COL24A1: variants seen among roughly 807,000 people sequenced by gnomAD.
COL24A1 encodes the protein collagen type XXIV alpha 1 chain, also known as collagen alpha-1(XXIV) chain.
In COL24A1, 224 loss-of-function variants were observed where a neutral mutation model predicts 253.9. The observed-to-expected ratio is 0.88, with a 90% CI of 0.79 to 0.99. The LOEUF is 0.99. Ranked by LOEUF, COL24A1 falls within the 50% of genes least tolerant of loss-of-function variation. The pLI is 0.00. For synonymous variants in COL24A1, 685 were observed against 673.7 expected (o/e 1.02, Z -0.26); for missense variants, 2,131 against 2,068.5 (o/e 1.03, Z -0.59).
chr1:85,875,170 C>T (rs577237390), intron 34 of COL24A1, 107 bp downstream of exon 34: 4 of 914,890 alleles, frequency 4.4e-6, no homozygotes, highest in African/African-American at 1.6e-5. Flanking sequence ...TATCTGGGGG[C>T]TTCCACCTGC....
chr1:85,992,274 A>G (rs1385408615), intron 19 of COL24A1, among the ~76,000 whole-genome samples: 1 of 152,208 alleles, frequency 6.6e-6, no homozygotes, highest in Non-Finnish European at 1.5e-5. Flanking sequence ...ATGGCTGCAT[A>G]GTATTCCATG....
Position 86,156,635 on chromosome 1 carries a change from G to A in COL24A1, c.-239C>T. On this transcript the variant is annotated 5_prime_UTR_variant, in exon 1 of 60. Coordinates refer to ENST00000370571, the MANE Select transcript of COL24A1 (RefSeq NM_152890.7). ...CTGGCTCGGTAACGAACGAGCCCAG[G>A]GTTGCGCTCCCCGGGGAGGGCGGGC... The A allele has an allele frequency of 2.7e-6, 1 of 375,510 alleles. No homozygotes were observed. Among genetic ancestry groups the A allele is most frequent in the Non-Finnish European group, 4.7e-6 (1 of 211,090 alleles). The allele number at this position is 375,510 out of a possible 1,614,324, so 23.3% of individuals were successfully genotyped here.
At chr1:85,783,642 T>A in intron 50 of COL24A1, 84 bp from the exon 51 acceptor site, 1 of 1,275,038 alleles carries the variant, frequency 7.8e-7, no homozygotes, top group South Asian at 1.2e-5. Context: ...TATCAAGAAT[T>A]GCTCTTTTAA....
intron 18 of COL24A1, among the ~76,000 whole-genome samples, chr1:86,018,868 A>AT (rs201692671): frequency 0.086 from 13,021 of 151,720 alleles, 675 homozygotes; most frequent in Middle Eastern, 0.19. Context: ...AGTTTTCTCT[A>AT]TTTTTTTTTA....
chr1:85,920,364 T>G (rs72712740), intron 24 of COL24A1, among the ~76,000 whole-genome samples: 18,076 of 152,150 alleles, frequency 0.12, 1,221 homozygotes, highest in South Asian at 0.28. Flanking sequence ...GAGCAAATGA[T>G]AAAACATTTG....
chr1:86,010,739 C>T (rs1696412261), intron 19 of COL24A1, among the ~76,000 whole-genome samples: 1 of 152,038 alleles, frequency 6.6e-6, no homozygotes, highest in Admixed American at 6.6e-5. Flanking sequence ...GATACATCCA[C>T]ACAATGAAGT....
rs528840538 is a variant in COL24A1, at chr1:86,146,800, G to A, written c.57-617C>T. On this transcript the variant is annotated intron_variant, in intron 1 of 59. Coordinates refer to ENST00000370571, the MANE Select transcript of COL24A1 (RefSeq NM_152890.7). ...GAGCATTTTGATTAGTAGTAGCTATGAGCACAATACCCAATCACTACAAAT... is the reference window on the plus strand; with the variant it reads ...GAGCATTTTGATTAGTAGTAGCTATAAGCACAATACCCAATCACTACAAAT... Among the ~76,000 whole-genome samples the A allele has an allele frequency of 5.5e-4, 83 of 152,106 alleles. 2 individuals are homozygous for A. The South Asian group carries it at 0.016, about 29-fold the overall frequency.
At chr1:85,811,737 C>T (rs924109964) in intron 47 of COL24A1, among the ~76,000 whole-genome samples, 1 of 152,148 alleles carries the variant, frequency 6.6e-6, no homozygotes, top group African/African-American at 2.4e-5. Flanking sequence ...CATGGGATTA[C>T]TGGTCATTTG....
chr1:86,077,488 G>A lies in COL24A1; in HGVS notation c.1707+11686C>T, dbSNP rs999694210. On this transcript the variant is annotated intron_variant, in intron 7 of 59. Transcript: ENST00000370571. ...TTTGACCCAGCAATCTCATTACTGG[G>A]TATATATCCAAAAGATTATAAATCA... Among the ~76,000 whole-genome samples, 9 of 152,072 alleles carry A rather than the reference G, an allele frequency of 5.9e-5. No individual in the cohort carries two copies. The South Asian group carries it at 1.7e-3, about 28-fold the overall frequency.
chr1:85,965,184 G>C, intron 22 of COL24A1, 122 bp from the exon 23 acceptor site: 1 of 722,142 alleles, frequency 1.4e-6, no homozygotes, highest in Non-Finnish European at 2.2e-6. Flanking sequence ...AAAATTATTT[G>C]ATAAATGTAT....
chr1:85,828,107 TTCTGGTA>T (rs1558283779), intron 43 of COL24A1, among the ~76,000 whole-genome samples: 3 of 152,112 alleles, frequency 2.0e-5, no homozygotes, highest in African/African-American at 7.2e-5. Flanking sequence ...ATCCCAGAGA[TTCTGGTA>T]TGTTGTGTCT....
rs537709160 is a variant in COL24A1, at chr1:86,031,887, A to C, written c.2040T>G (p.Pro680=). 1 of 1,608,676 alleles carries C rather than the reference A, an allele frequency of 6.2e-7. No homozygotes were observed. The highest frequency in any genetic ancestry group is 1.1e-5 in the South Asian group (1 of 89,930). ...ATTTAGTGATACTCACTCTAAGCCC[A>C]GGAAACCCCGGAGGACCAGTGCCAC... is the stretch of plus-strand genomic sequence containing the variant. ...LVGGTGPPGF[P]GLRGSVGPVG... The change falls in exon 14 of 60, where the codon CCT becomes CCG. Residue 680 remains proline (P), a synonymous_variant. Coordinates refer to ENST00000370571, the MANE Select transcript of COL24A1 (RefSeq NM_152890.7).
chr1:85,896,570 C>G (rs1166642198), intron 28 of COL24A1, among the ~76,000 whole-genome samples, 161 bp from the exon 29 acceptor site: 1 of 151,968 alleles, frequency 6.6e-6, no homozygotes, highest in East Asian at 1.9e-4. Context: ...TCTCGGCTCA[C>G]TGCAAGCTCC....
chr1:86,106,060 G>A (rs1258997245), intron 5 of COL24A1, among the ~76,000 whole-genome samples: 1 of 152,038 alleles, frequency 6.6e-6, no homozygotes, highest in African/African-American at 2.4e-5. Flanking sequence ...ATCTTGCCCA[G>A]CTCCCATATC....
At chr1:85,877,063 C>A in intron 33 of COL24A1, 59 bp downstream of exon 33, 1 of 1,192,002 alleles carries the variant, frequency 8.4e-7, no homozygotes, top group South Asian at 1.4e-5. Flanking sequence ...TTAATTTTAC[C>A]TTAGAGTCTT....
chr1:85,841,738 A>G (rs1676634346), intron 41 of COL24A1, among the ~76,000 whole-genome samples: 1 of 152,174 alleles, frequency 6.6e-6, no homozygotes, highest in Non-Finnish European at 1.5e-5. Flanking sequence ...CTCCTGCCCC[A>G]AAGACTTTAA....
intron 2 of COL24A1, 30 bp from the exon 3 acceptor site, chr1:86,126,244 A>T: frequency 6.5e-7 from 1 of 1,539,672 alleles, no homozygotes; most frequent in Non-Finnish European, 8.7e-7. Context: ...AGAGAGAAAG[A>T]ATCTTAATTT....
At chr1:86,020,994 G>T (rs1231490075) in intron 18 of COL24A1, among the ~76,000 whole-genome samples, 1 of 152,130 alleles carries the variant, frequency 6.6e-6, no homozygotes, top group Non-Finnish European at 1.5e-5. Context: ...TCGAATAGAT[G>T]CCAAAAATTG....
intron 24 of COL24A1, among the ~76,000 whole-genome samples, chr1:85,944,213 C>G (rs927197215): frequency 9.9e-5 from 15 of 152,270 alleles, no homozygotes; most frequent in Admixed American, 7.2e-4. Flanking sequence ...AGTTATAAAG[C>G]TGGGTATAGA....
Sources: allele counts gnomAD v4.1 joint callset (sites outside exome capture counted in the v4.1 genomes callset), GRCh38; gene constraint gnomAD v4.1.1; transcripts MANE v1.5; gene names NCBI Gene and HGNC (gene_info 2026-07-23, HGNC 2026-07-21).